RSU1: variants seen among roughly 807,000 people sequenced by gnomAD.
RSU1 encodes the protein Ras suppressor protein 1.
RSU1 carries 26 observed loss-of-function variants against 31.1 expected under a neutral mutation model. The ratio of observed to expected loss-of-function variants is 0.84; its 90% CI spans 0.61 to 1.16. The LOEUF (loss-of-function observed/expected upper bound fraction) is 1.16, where lower values mean the gene tolerates loss of function less well. Ranked by LOEUF, RSU1 falls within the 50% of genes most tolerant of loss-of-function variation. RSU1 has a pLI of 0.00. For synonymous variants in RSU1, 164 were observed against 136.3 expected, an observed-to-expected ratio of 1.20 and a Z score of -1.41; for missense variants, 320 against 339.1, an observed-to-expected ratio of 0.94 and a Z score of 0.44.
intron 8 of RSU1, among the ~76,000 whole-genome samples, chr10:16,691,722 C>CTTTTTTTTTTTTTT (rs58786188): frequency 1.9e-5 from 2 of 106,044 alleles, no homozygotes; most frequent in Non-Finnish European, 1.8e-5. Context: ...GCTGCTGCTT[C>CTTTTTTTTTTTTTT]TTTTTTTTTT....
At chr10:16,762,129 C>T (rs1837221595) in intron 4 of RSU1, among the ~76,000 whole-genome samples, 1 of 152,064 alleles carries the variant, frequency 6.6e-6, no homozygotes, top group Admixed American at 6.5e-5. Context: ...CCATAACCTT[C>T]ACCTTGGCTC....
chr10:16,632,418 T>C (rs1834267991), intron 8 of RSU1, among the ~76,000 whole-genome samples: 1 of 152,158 alleles, frequency 6.6e-6, no homozygotes, highest in South Asian at 2.1e-4. Flanking sequence ...CTTGGTTTAT[T>C]AGTAATAAGT....
intron 2 of RSU1, among the ~76,000 whole-genome samples, chr10:16,810,440 C>T (rs572329195): frequency 1.2e-4 from 18 of 152,214 alleles, no homozygotes; most frequent in East Asian, 7.7e-4. Flanking sequence ...CACATCCCAA[C>T]GAAAATCCTG....
chr10:16,750,577 A>C (rs1276866762), intron 7 of RSU1, among the ~76,000 whole-genome samples: 1 of 152,200 alleles, frequency 6.6e-6, no homozygotes, highest in Non-Finnish European at 1.5e-5. Flanking sequence ...TGTCTGATAA[A>C]ATAATTGTTT....
chr10:16,755,994 T>C lies in RSU1; in HGVS notation c.282-1005A>G, dbSNP rs560117760. ...AACCATTACAAAATATCTTTCCTTG[T>C]AAAGAACAACTTCCCTATGAACGTA... On this transcript the variant is annotated intron_variant, in intron 4 of 8. Transcript: ENST00000345264. 7.2e-5 allele frequency among the ~76,000 whole-genome samples: 11 copies of C among 152,344 alleles called. No individual in the cohort carries two copies. In the East Asian group the frequency reaches 2.1e-3, roughly 29 times the overall value.
At chr10:16,801,952 T>G (rs1838164677) in intron 2 of RSU1, among the ~76,000 whole-genome samples, 1 of 152,010 alleles carries the variant, frequency 6.6e-6, no homozygotes, top group African/African-American at 2.4e-5. Context: ...GGTGCAAAAG[T>G]AATGGCAAAA....
intron 7 of RSU1, chr10:16,727,141 G>C: frequency 2.2e-6 from 1 of 456,588 alleles, no homozygotes; most frequent in Non-Finnish European, 4.4e-6. Flanking sequence ...GGAACAGGAT[G>C]TGGCCTCCCA....
In RSU1 at chr10:16,670,922, G is replaced by A. The variant is rs142812618; in HGVS notation, c.731+24101C>T. 6.3e-3 allele frequency among the ~76,000 whole-genome samples: 958 copies of A among 151,894 alleles called. 8 individuals are homozygous for A. The highest frequency in any genetic ancestry group is 0.022 in the African/African-American group (900 of 41,410). On this transcript the variant is annotated intron_variant, in intron 8 of 8. Coordinates refer to ENST00000345264, the MANE Select transcript of RSU1 (RefSeq NM_012425.4). ...TGGGATTACAGGGGCCCACCACCAC[G>A]CCCGGCTAATTTTTTGTATTTTTAG...
chr10:16,712,283 C>T (rs1045854696), intron 7 of RSU1, among the ~76,000 whole-genome samples: 3 of 152,146 alleles, frequency 2.0e-5, no homozygotes, highest in East Asian at 1.9e-4. Context: ...AAAACCTGTT[C>T]GACCACTCTG....
intron 2 of RSU1, among the ~76,000 whole-genome samples, chr10:16,788,931 A>T (rs1406544465): frequency 6.6e-6 from 1 of 152,228 alleles, no homozygotes; most frequent in Non-Finnish European, 1.5e-5. Flanking sequence ...GACAATTAGC[A>T]GTGTCTCACA....
intron 8 of RSU1, among the ~76,000 whole-genome samples, chr10:16,608,783 A>G (rs1341662193): frequency 6.6e-6 from 1 of 151,870 alleles, no homozygotes; most frequent in Non-Finnish European, 1.5e-5. Flanking sequence ...TGAAGAGTTT[A>G]AAGTTTAAAA....
intron 8 of RSU1, among the ~76,000 whole-genome samples, chr10:16,633,753 T>C (rs1834295701): frequency 6.6e-6 from 1 of 152,134 alleles, no homozygotes; most frequent in Non-Finnish European, 1.5e-5. Flanking sequence ...CATGGGCTTC[T>C]GTGTACTTTT....
intron 3 of RSU1, among the ~76,000 whole-genome samples, chr10:16,774,564 T>G (rs1330062868): frequency 6.6e-6 from 1 of 152,186 alleles, no homozygotes; most frequent in Non-Finnish European, 1.5e-5. Context: ...AGTGAGATCC[T>G]GTCTCAAACA....
At chr10:16,677,800 A>C (rs1835260771) in intron 8 of RSU1, among the ~76,000 whole-genome samples, 1 of 152,248 alleles carries the variant, frequency 6.6e-6, no homozygotes, top group Non-Finnish European at 1.5e-5. Context: ...TACATTTCTT[A>C]GGAATTATCC....
At chr10:16,770,597 G>T (rs990342258) in intron 3 of RSU1, among the ~76,000 whole-genome samples, 3 of 152,184 alleles carry the variant, frequency 2.0e-5, no homozygotes, top group African/African-American at 7.2e-5. Context: ...CCTGAGCTAG[G>T]GCTGGCCCAG....
intron 8 of RSU1, among the ~76,000 whole-genome samples, chr10:16,671,681 A>G (rs111643283): frequency 2.0e-5 from 3 of 152,034 alleles, no homozygotes; most frequent in African/African-American, 7.2e-5. Flanking sequence ...GCTGGAGGGC[A>G]GTGGCGCGAT....
chr10:16,685,303 G>T (rs533417232), intron 8 of RSU1, among the ~76,000 whole-genome samples: 2 of 152,124 alleles, frequency 1.3e-5, no homozygotes, highest in Admixed American at 1.3e-4. Flanking sequence ...TACAGGAAAG[G>T]GGTCGCGATC....
intron 7 of RSU1, among the ~76,000 whole-genome samples, chr10:16,736,371 G>C (rs1041150183): frequency 1.3e-5 from 2 of 152,196 alleles, no homozygotes; most frequent in South Asian, 4.1e-4. Context: ...TGATCAGCCA[G>C]AGAGTAACGA....
intron 8 of RSU1, among the ~76,000 whole-genome samples, chr10:16,607,329 C>T (rs773388556): frequency 3.4e-4 from 52 of 152,118 alleles, no homozygotes; most frequent in Non-Finnish European, 5.3e-4. Context: ...ATATAAATTA[C>T]GCAGTCTCAG....
Sources: allele counts gnomAD v4.1 joint callset (sites outside exome capture counted in the v4.1 genomes callset), GRCh38; gene constraint gnomAD v4.1.1; transcripts MANE v1.5; gene names NCBI Gene and HGNC (gene_info 2026-07-23, HGNC 2026-07-21).